The following VWC2L variants were observed in gnomAD, a reference collection of about 807,000 sequenced individuals.
VWC2L encodes von Willebrand factor C domain containing 2 like.
A neutral mutation model predicts 21.6 loss-of-function variants in VWC2L; 10 were observed. That is an observed-to-expected ratio of 0.46 (90% CI 0.29 to 0.78). The LOEUF (loss-of-function observed/expected upper bound fraction) is 0.78. VWC2L is among the 30% of genes least tolerant of loss of function. VWC2L has a pLI of 0.10. For missense variants in VWC2L, 209 were observed against 277.1 expected, an observed-to-expected ratio of 0.75 and a Z score of 1.74; for synonymous variants, 96 against 94.3, an observed-to-expected ratio of 1.02 and a Z score of -0.10.
At chr2:214,438,799 T>C (rs1702719126) in intron 3 of VWC2L, among the ~76,000 whole-genome samples, 1 of 152,060 alleles carries the variant, frequency 6.6e-6, no homozygotes, top group African/African-American at 2.4e-5. Context: ...AAGTGTATAA[T>C]GAATAGACTT....
intron 2 of VWC2L, among the ~76,000 whole-genome samples, chr2:214,424,384 G>C (rs938907403): frequency 6.6e-6 from 1 of 152,266 alleles, no homozygotes. Flanking sequence ...AGGTTTGTTT[G>C]AGAGTTAGTA....
intron 3 of VWC2L, among the ~76,000 whole-genome samples, chr2:214,552,972 T>C (rs566266381): frequency 3.5e-4 from 53 of 152,330 alleles, no homozygotes; most frequent in Non-Finnish European, 6.6e-4. Context: ...ATTGAGCACA[T>C]AAGCAAGAAA....
intron 3 of VWC2L, among the ~76,000 whole-genome samples, chr2:214,473,495 C>T (rs930788709): frequency 9.2e-5 from 14 of 152,174 alleles, no homozygotes; most frequent in African/African-American, 3.4e-4. Context: ...TCTTCTTACT[C>T]ATCAAGCCTA....
chr2:214,443,913 T>C lies in VWC2L; in HGVS notation c.520+7155T>C, dbSNP rs201131743. 4.6e-5 allele frequency among the ~76,000 whole-genome samples: 7 copies of C among 152,130 alleles called. No homozygotes were observed. In the East Asian group the frequency reaches 1.3e-3, roughly 29 times the overall value. On this transcript the variant is annotated intron_variant, in intron 3 of 3. Coordinates refer to ENST00000312504, the MANE Select transcript of VWC2L (RefSeq NM_001080500.4). ...AAGGTCACTATTTGCAGATGATATG[T>C]GATTGCATTCTTGAAAGCCCCAAGA...
At chr2:214,536,595 T>C (rs769686078) in intron 3 of VWC2L, among the ~76,000 whole-genome samples, 4 of 152,050 alleles carry the variant, frequency 2.6e-5, no homozygotes, top group Non-Finnish European at 4.4e-5. Flanking sequence ...AAAACAGACT[T>C]AGCTTCCTTT....
chr2:214,517,762 G>T (rs1002609403), intron 3 of VWC2L, among the ~76,000 whole-genome samples: 5 of 152,152 alleles, frequency 3.3e-5, no homozygotes, highest in Non-Finnish European at 7.4e-5. Flanking sequence ...CATAATATTG[G>T]TTAAAAGATG....
At chr2:214,532,214 G>A (rs1689447376) in intron 3 of VWC2L, among the ~76,000 whole-genome samples, 1 of 152,054 alleles carries the variant, frequency 6.6e-6, no homozygotes, top group South Asian at 2.1e-4. Flanking sequence ...TAATAGTAGG[G>A]AAGCAATAAA....
In VWC2L at chr2:214,564,937, T is replaced by C. The variant is rs1306560126; in HGVS notation, c.521-10735T>C. 2.6e-5 allele frequency among the ~76,000 whole-genome samples: 4 copies of C among 152,204 alleles called. No homozygotes were observed. The East Asian group carries it at 5.8e-4, about 22-fold the overall frequency. On this transcript the variant is annotated intron_variant, in intron 3 of 3. Transcript: ENST00000312504. ...ACCAACATTGGTATTCATGCTTCTT[T>C]AGCTTCTTTGTTTTCCTTCCATCCT...
At chr2:214,518,699 T>A (rs7587751) in intron 3 of VWC2L, among the ~76,000 whole-genome samples, 30,248 of 152,114 alleles carry the variant, frequency 0.2, 3,163 homozygotes, top group East Asian at 0.27. Context: ...ACTCCTGGGA[T>A]TACTTTTCTC....
chr2:214,534,812 A>G (rs1689500775), intron 3 of VWC2L, among the ~76,000 whole-genome samples: 1 of 152,122 alleles, frequency 6.6e-6, no homozygotes, highest in South Asian at 2.1e-4. Flanking sequence ...AGAGTAGGCC[A>G]ATTTATACAT....
At chr2:214,414,700 T>C in intron 2 of VWC2L, 117 bp downstream of exon 2, 1 of 1,142,474 alleles carries the variant, frequency 8.8e-7, no homozygotes, top group South Asian at 1.6e-5. Flanking sequence ...CTTTAAATTA[T>C]ACAATTTGAT....
intron 3 of VWC2L, among the ~76,000 whole-genome samples, chr2:214,438,493 T>G (rs1702715160): frequency 6.6e-6 from 1 of 152,068 alleles, no homozygotes. Flanking sequence ...ACTTTTAGCT[T>G]TGTCTCACAA....
At chr2:214,511,541 A>G (rs1463492451) in intron 3 of VWC2L, among the ~76,000 whole-genome samples, 1 of 152,170 alleles carries the variant, frequency 6.6e-6, no homozygotes, top group Non-Finnish European at 1.5e-5. Context: ...GTGAATACTC[A>G]GGAAGAGGAT....
At chr2:214,520,309 AAC>A (rs1689215637) in intron 3 of VWC2L, among the ~76,000 whole-genome samples, 1 of 152,198 alleles carries the variant, frequency 6.6e-6, no homozygotes, top group Non-Finnish European at 1.5e-5. Flanking sequence ...TCATGTCAAA[AAC>A]ACTTTTCCAT....
At chr2:214,477,453 T>C (rs1453431552) in intron 3 of VWC2L, among the ~76,000 whole-genome samples, 1 of 148,924 alleles carries the variant, frequency 6.7e-6, no homozygotes, top group East Asian at 2.0e-4. Flanking sequence ...CCCCTCCTGA[T>C]TTATAAGAGT....
At chr2:214,488,614 CA>C (rs1688705295) in intron 3 of VWC2L, among the ~76,000 whole-genome samples, 1 of 152,090 alleles carries the variant, frequency 6.6e-6, no homozygotes, top group Non-Finnish European at 1.5e-5. Flanking sequence ...CAAAACAAAA[CA>C]AAAACCCTGT....
chr2:214,546,251 T>G (rs1689704680), intron 3 of VWC2L, among the ~76,000 whole-genome samples: 1 of 152,204 alleles, frequency 6.6e-6, no homozygotes, highest in Admixed American at 6.5e-5. Context: ...GTGAAGGAAT[T>G]GCTGCAGCTT....
intron 3 of VWC2L, among the ~76,000 whole-genome samples, chr2:214,547,024 C>G (rs7569070): frequency 0.043 from 6,503 of 152,152 alleles, 481 homozygotes; most frequent in African/African-American, 0.15. Flanking sequence ...TCACAAATGC[C>G]TGATTCTTTA....
rs76206685 is a variant in VWC2L at position 214,497,889 on chromosome 2, G to A, written c.520+61131G>A. 2.5e-4 allele frequency among the ~76,000 whole-genome samples: 38 copies of A among 152,326 alleles called. No individual in the cohort carries two copies. In the East Asian group the frequency reaches 6.5e-3, roughly 26 times the overall value. Reference sequence around the variant, plus strand: ...GTTCATAACTTCTGTTAAATCTGTAGTATATGTGGATTACTTAAAGTTGTG... The same window carrying A: ...GTTCATAACTTCTGTTAAATCTGTAATATATGTGGATTACTTAAAGTTGTG... On this transcript the variant is annotated intron_variant, in intron 3 of 3. Coordinates refer to ENST00000312504, the MANE Select transcript of VWC2L (RefSeq NM_001080500.4).
Sources: allele counts gnomAD v4.1 joint callset (sites outside exome capture counted in the v4.1 genomes callset), GRCh38; gene constraint gnomAD v4.1.1; transcripts MANE v1.5; gene names NCBI Gene and HGNC (gene_info 2026-07-23, HGNC 2026-07-21).